Variants in RNF135 observed in about 807,000 individuals in gnomAD.
RNF135 encodes E3 ubiquitin-protein ligase RNF135.
In RNF135, 46 loss-of-function variants were observed where a neutral mutation model predicts 41.9. The observed-to-expected ratio is 1.10, with a 90% CI of 0.87 to 1.40. RNF135 has a LOEUF of 1.40. RNF135 is among the 40% of genes most tolerant of loss of function. The pLI, the probability that RNF135 is intolerant of heterozygous loss-of-function variation, is 0.00. For synonymous variants in RNF135, 238 were observed against 223.8 expected, an observed-to-expected ratio of 1.06 and a Z score of -0.57; for missense variants, 539 against 549.8, an observed-to-expected ratio of 0.98 and a Z score of 0.20.
At chr17:30,997,162 G>T in intron 3 of RNF135, 80 bp from the exon 4 acceptor site, 1 of 1,078,882 alleles carries the variant, frequency 9.3e-7, no homozygotes, top group South Asian at 1.3e-5. Context: ...CCAGCCATGT[G>T]CCTTGACCAT....
upstream of RNF135, chr17:30,969,372 A>G (rs558304069): frequency 6.6e-6 from 1 of 152,396 alleles, no homozygotes; most frequent in Admixed American, 6.5e-5. Context: ...GTTATGCTGT[A>G]GCAGCACACA....
chr17:30,983,353 A>ATATTTTTTTTTTTTTTTT (rs1420453160), intron 1 of RNF135, among the ~76,000 whole-genome samples: 3 of 35,742 alleles, frequency 8.4e-5, no homozygotes, highest in African/African-American at 2.7e-4. Context: ...ATATATATAT[A>ATATTTTTTTTTTTTTTTT]TTTTTTTTTT....
chr17:30,967,152 G>A (rs1026007215), upstream of RNF135, among the ~76,000 whole-genome samples: 15 of 151,822 alleles, frequency 9.9e-5, no homozygotes, highest in South Asian at 2.1e-4. Flanking sequence ...CTCCTGCCTC[G>A]GCCTCTGGAG....
At chr17:30,983,353 A>ATATTTTTTTTTTT (rs1420453160) in intron 1 of RNF135, among the ~76,000 whole-genome samples, 4 of 35,746 alleles carry the variant, frequency 1.1e-4, no homozygotes, top group African/African-American at 1.8e-4. Context: ...ATATATATAT[A>ATATTTTTTTTTTT]TTTTTTTTTT....
chr17:30,963,094 T>G, the RNF135 span, among the ~76,000 whole-genome samples: 1 of 98,922 alleles, frequency 1.0e-5, no homozygotes, highest in Admixed American at 8.9e-5. Context: ...ATTCCCTAGC[T>G]TTTTTTTTTT....
chr17:30,970,403 C>T (rs928600461), upstream of RNF135: 2 of 152,546 alleles, frequency 1.3e-5, no homozygotes, highest in African/African-American at 4.8e-5. Flanking sequence ...CAGCGCACAA[C>T]TCTGCATTAT....
intron 3 of RNF135, among the ~76,000 whole-genome samples, chr17:30,990,005 A>AG (rs397941756): frequency 6.6e-6 from 1 of 151,184 alleles, no homozygotes; most frequent in East Asian, 1.9e-4. Context: ...AAAAAAAAAA[A>AG]GAATCATTTC....
At chr17:30,995,454 T>A (rs1908290733) in intron 3 of RNF135, among the ~76,000 whole-genome samples, 1 of 151,890 alleles carries the variant, frequency 6.6e-6, no homozygotes. Flanking sequence ...GGTCTGGAAC[T>A]CCTCCTGGCC....
chr17:30,987,231 C>CT (rs376698739), intron 2 of RNF135, among the ~76,000 whole-genome samples: 2,335 of 142,172 alleles, frequency 0.016, 22 homozygotes, highest in African/African-American at 0.027. Context: ...GAAAAGGTTC[C>CT]TTTTTTTTTT....
At chr17:30,997,176 G>A (rs970307885) in intron 3 of RNF135, 66 bp from the exon 4 acceptor site, 2 of 1,230,962 alleles carry the variant, frequency 1.6e-6, no homozygotes, top group African/African-American at 1.5e-5. Context: ...TGACCATGAT[G>A]TTTGGAGACC....
At position 30,997,327 on chromosome 17, in the gene RNF135, T is replaced by G; in HGVS notation, c.765T>G (p.Ala255=). The change falls in exon 4 of 5, where the codon GCT becomes GCG. Residue 255 remains alanine, a synonymous_variant. Transcript: ENST00000328381. ...HPALRRASRF[A]QWAIHPTFNL... ...CACTCAGGAGAGCTTCTCGGTTTGCTCAGTGTAAGTATGTGGTCCACTTTA... is the reference window on the plus strand; with the variant it reads ...CACTCAGGAGAGCTTCTCGGTTTGCGCAGTGTAAGTATGTGGTCCACTTTA... 3.1e-6 allele frequency: 5 copies of G among 1,613,810 alleles called. No homozygotes were observed. Among genetic ancestry groups the G allele is most frequent in the Non-Finnish European group, 4.2e-6 (5 of 1,179,682 alleles).
chr17:30,990,103 A>G (rs890379581), intron 3 of RNF135, among the ~76,000 whole-genome samples: 1 of 152,138 alleles, frequency 6.6e-6, no homozygotes, highest in Non-Finnish European at 1.5e-5. Flanking sequence ...AAATTATCTG[A>G]GAAAGAAGCA....
intron 3 of RNF135, among the ~76,000 whole-genome samples, chr17:30,994,941 A>C (rs1951304906): frequency 6.7e-6 from 1 of 149,616 alleles, no homozygotes; most frequent in African/African-American, 2.5e-5. Flanking sequence ...CCTGGACTGT[A>C]ACTTTAATTT....
At chr17:30,991,450 CTTG>C (rs1171314076) in intron 3 of RNF135, among the ~76,000 whole-genome samples, 1 of 147,068 alleles carries the variant, frequency 6.8e-6, no homozygotes, top group Non-Finnish European at 1.5e-5. Context: ...GAGTCTCGCT[CTTG>C]TTGTCCAGGT....
At chr17:30,973,906 G>C (rs1906215613) in intron 1 of RNF135, among the ~76,000 whole-genome samples, 1 of 152,150 alleles carries the variant, frequency 6.6e-6, no homozygotes, top group Non-Finnish European at 1.5e-5. Context: ...ATTTGTTGAA[G>C]AGTCTATTCT....
At chr17:30,971,001 A>C (rs1905846144), upstream of RNF135, 2 of 1,524,880 alleles carry the variant, frequency 1.3e-6, no homozygotes, top group African/African-American at 1.4e-5. Flanking sequence ...GGGGAAGAGG[A>C]AGGGCGAGGG....
chr17:30,966,696 G>A (rs1905566753), upstream of RNF135, among the ~76,000 whole-genome samples: 1 of 148,920 alleles, frequency 6.7e-6, no homozygotes, highest in Non-Finnish European at 1.5e-5. Context: ...TAGTAGAGAC[G>A]CGGTTTCACC....
At chr17:30,988,253 T>C in intron 3 of RNF135, 147 bp downstream of exon 3, 1 of 789,554 alleles carries the variant, frequency 1.3e-6, no homozygotes, top group South Asian at 1.5e-5. Flanking sequence ...AGGGGTGGGC[T>C]GAAGTGATTT....
chr17:30,988,057 A>G lies in RNF135; in HGVS notation c.630A>G (p.Lys210=), dbSNP rs775075392. ...ILHDLEEIQE[K]LQESVTWKEA... is the part of the protein sequence containing the mutation. ...ATGACCTAGAAGAAATTCAGGAAAAATTACAAGAAAGCGTCACCTGGAAAG... is the reference window on the plus strand; with the variant it reads ...ATGACCTAGAAGAAATTCAGGAAAAGTTACAAGAAAGCGTCACCTGGAAAG... The change falls in exon 3 of 5, where the codon AAA becomes AAG. Residue 210 remains lysine, a synonymous_variant. Transcript: ENST00000328381. 4 of 1,614,058 alleles carry G rather than the reference A, an allele frequency of 2.5e-6. No individual in the cohort carries two copies. Among genetic ancestry groups the G allele is most frequent in the Non-Finnish European group, 3.4e-6 (4 of 1,180,026 alleles).
Sources: allele counts gnomAD v4.1 joint callset (sites outside exome capture counted in the v4.1 genomes callset), GRCh38; gene constraint gnomAD v4.1.1; transcripts MANE v1.5; gene names NCBI Gene and HGNC (gene_info 2026-07-23, HGNC 2026-07-21).